The following TRPM3 variants were observed in gnomAD, a reference collection of about 807,000 sequenced individuals.
TRPM3 encodes the protein long transient receptor potential channel 3.
A neutral mutation model predicts 181.2 loss-of-function variants in TRPM3; 77 were observed. The observed-to-expected ratio is 0.42, with a 90% CI of 0.35 to 0.51. The LOEUF is 0.51. TRPM3 is among the 20% of genes least tolerant of loss of function. The pLI, the probability that TRPM3 is intolerant of heterozygous loss-of-function variation, is 0.01. For synonymous variants in TRPM3, 745 were observed against 796.4 expected (o/e 0.94, Z 1.09); for missense variants, 1,759 against 2,196.7 (o/e 0.80, Z 3.98).
chr9:71,254,600 T>C (rs949327879), intron 1 of TRPM3, among the ~76,000 whole-genome samples: 3 of 152,218 alleles, frequency 2.0e-5, no homozygotes, highest in Non-Finnish European at 4.4e-5. Context: ...TAAATATATA[T>C]GATTATTGTC....
At chr9:70,623,664 C>T (rs1285447810) in intron 14 of TRPM3, among the ~76,000 whole-genome samples, 1 of 152,006 alleles carries the variant, frequency 6.6e-6, no homozygotes, top group Non-Finnish European at 1.5e-5. Context: ...GCAAATGCAA[C>T]CGTTTTACTT....
At chr9:71,062,176 C>T (rs137968733) in intron 1 of TRPM3, among the ~76,000 whole-genome samples, 10 of 152,186 alleles carry the variant, frequency 6.6e-5, no homozygotes, top group Admixed American at 3.9e-4. Flanking sequence ...TAAATAACCA[C>T]CTGCAACCCC....
chr9:70,985,224 G>A (rs909740481), intron 1 of TRPM3, among the ~76,000 whole-genome samples: 12 of 152,140 alleles, frequency 7.9e-5, no homozygotes, highest in African/African-American at 2.2e-4. Flanking sequence ...ACCCAGTGCC[G>A]ACTAATTTAA....
chr9:71,073,261 G>A (rs540727593), intron 1 of TRPM3, among the ~76,000 whole-genome samples: 2 of 152,148 alleles, frequency 1.3e-5, no homozygotes, highest in African/African-American at 4.8e-5. Context: ...AGGAGGAGAG[G>A]TGAGACTTGG....
chr9:70,799,023 A>G (rs2131177925), intron 6 of TRPM3, among the ~76,000 whole-genome samples: 1 of 152,318 alleles, frequency 6.6e-6, no homozygotes, highest in African/African-American at 2.4e-5. Flanking sequence ...TGAAGCCTCA[A>G]ATTGAAGCCT....
At chr9:70,568,608 T>C (rs946100227) in intron 22 of TRPM3, among the ~76,000 whole-genome samples, 3 of 152,222 alleles carry the variant, frequency 2.0e-5, no homozygotes, top group Non-Finnish European at 4.4e-5. Context: ...GTAGATACTA[T>C]TATTATGGCC....
intron 1 of TRPM3, among the ~76,000 whole-genome samples, chr9:71,319,748 G>A (rs1324992240): frequency 1.3e-5 from 2 of 152,026 alleles, no homozygotes; most frequent in African/African-American, 4.8e-5. Flanking sequence ...GTTACCCTTA[G>A]CCTCAGAAAT....
At chr9:70,968,163 G>A (rs2097204164) in intron 1 of TRPM3, among the ~76,000 whole-genome samples, 1 of 151,980 alleles carries the variant, frequency 6.6e-6, no homozygotes, top group African/African-American at 2.4e-5. Context: ...ATTGTGTATT[G>A]CATACTATGC....
At chr9:71,320,738 G>C (rs2089143700) in intron 1 of TRPM3, among the ~76,000 whole-genome samples, 1 of 151,966 alleles carries the variant, frequency 6.6e-6, no homozygotes, top group Non-Finnish European at 1.5e-5. Flanking sequence ...CTCCAACCCA[G>C]ATCTCCCCTC....
chr9:71,334,146 T>C (rs2090403223), intron 1 of TRPM3, among the ~76,000 whole-genome samples: 1 of 151,706 alleles, frequency 6.6e-6, no homozygotes, highest in African/African-American at 2.4e-5. Context: ...GGTAAGAAGC[T>C]CTGGTACAAG....
At chr9:71,375,465 C>T (rs2092643074) in intron 1 of TRPM3, among the ~76,000 whole-genome samples, 1 of 152,076 alleles carries the variant, frequency 6.6e-6, no homozygotes, top group South Asian at 2.1e-4. Flanking sequence ...TAGGCATGGG[C>T]AAAGATTTCA....
At chr9:70,816,487 A>G (rs2092701281) in intron 6 of TRPM3, among the ~76,000 whole-genome samples, 1 of 152,208 alleles carries the variant, frequency 6.6e-6, no homozygotes. Context: ...TTTTCCCCCA[A>G]GAGGGCCAAG....
chr9:70,965,001 C>T (rs749776917), intron 1 of TRPM3, among the ~76,000 whole-genome samples: 16 of 152,054 alleles, frequency 1.1e-4, no homozygotes, highest in Non-Finnish European at 2.2e-4. Flanking sequence ...TTGTTATCTA[C>T]ATTCTGTTGT....
chr9:71,255,046 A>C (rs971401706), intron 1 of TRPM3, among the ~76,000 whole-genome samples: 2 of 152,142 alleles, frequency 1.3e-5, no homozygotes, highest in African/African-American at 4.8e-5. Context: ...TCTCTTAACC[A>C]GTCCAACTTA....
intron 1 of TRPM3, among the ~76,000 whole-genome samples, chr9:70,888,362 G>GGTGTGTGT (rs71367235): frequency 0.011 from 1,554 of 143,700 alleles, 9 homozygotes; most frequent in South Asian, 0.024. Flanking sequence ...TTTATTTTGG[G>GGTGTGTGT]GTGTGTGTGT....
intron 22 of TRPM3, among the ~76,000 whole-genome samples, chr9:70,583,968 G>A (rs763919842): frequency 8.6e-5 from 13 of 151,998 alleles, no homozygotes; most frequent in South Asian, 2.1e-4. Flanking sequence ...AACTCTCATC[G>A]CTGTTCCCTT....
At position 70,864,170 on chromosome 9, in the gene TRPM3, A is replaced by G. The variant is rs143342994; in HGVS notation, c.257+262T>C. 9.8e-3 allele frequency among the ~76,000 whole-genome samples: 1,497 copies of G among 152,178 alleles called. 13 individuals are homozygous for G. Among genetic ancestry groups the G allele is most frequent in the Non-Finnish European group, 0.016 (1,096 of 67,958 alleles). On this transcript the variant is annotated intron_variant, in intron 2 of 25. Transcript: ENST00000677713. ...AAAACCAATAACCATAACAAAAAACATAATCCACTGTTATATACAGTGATT... is the reference window on the plus strand; with the variant it reads ...AAAACCAATAACCATAACAAAAAACGTAATCCACTGTTATATACAGTGATT...
At chr9:71,349,747 T>G (rs1413923282) in intron 1 of TRPM3, among the ~76,000 whole-genome samples, 1 of 152,064 alleles carries the variant, frequency 6.6e-6, no homozygotes, top group Non-Finnish European at 1.5e-5. Flanking sequence ...TAGACTATGT[T>G]GTGAAATCTT....
intron 1 of TRPM3, among the ~76,000 whole-genome samples, chr9:71,080,224 C>T (rs1165121393): frequency 2.8e-5 from 3 of 107,306 alleles, no homozygotes; most frequent in Non-Finnish European, 5.7e-5. Context: ...AAAAGGGAGA[C>T]TTTGTTCTCT....
Sources: allele counts gnomAD v4.1 joint callset (sites outside exome capture counted in the v4.1 genomes callset), GRCh38; gene constraint gnomAD v4.1.1; transcripts MANE v1.5; gene names NCBI Gene and HGNC (gene_info 2026-07-23, HGNC 2026-07-21).